Variants in STAG1 observed in about 807,000 individuals in gnomAD.
The protein encoded by STAG1 is cohesin subunit SA-1.
STAG1 carries 26 observed loss-of-function variants against 170.9 expected under a neutral mutation model. That is an observed-to-expected ratio of 0.15 (90% CI 0.11 to 0.21). STAG1 has a LOEUF of 0.21. Among genes scored for constraint, STAG1 ranks in the 10% least tolerant of loss-of-function variants. STAG1 has a pLI of 1.00. For missense variants in STAG1, 964 were observed against 1,509.5 expected (o/e 0.64, Z 5.99); for synonymous variants, 514 against 497.7 (o/e 1.03, Z -0.44).
At chr3:136,718,331 C>A (rs1183019553) in intron 1 of STAG1, among the ~76,000 whole-genome samples, 1 of 152,002 alleles carries the variant, frequency 6.6e-6, no homozygotes, top group African/African-American at 2.4e-5. Context: ...ACTATTTTGT[C>A]TTCATCTGTA....
intron 1 of STAG1, among the ~76,000 whole-genome samples, chr3:136,744,923 G>A (rs542404584): frequency 3.9e-5 from 6 of 152,212 alleles, no homozygotes; most frequent in Middle Eastern, 3.4e-3. Context: ...TGATCCACCC[G>A]CCTCGGCCTC....
chr3:136,491,193 C>A (rs2107844934), intron 9 of STAG1, among the ~76,000 whole-genome samples: 2 of 152,244 alleles, frequency 1.3e-5, no homozygotes, highest in Non-Finnish European at 2.9e-5. Context: ...TCATAGTTCA[C>A]TGCACCCTGG....
At chr3:136,625,362 A>G (rs1023742458) in intron 2 of STAG1, among the ~76,000 whole-genome samples, 1 of 152,136 alleles carries the variant, frequency 6.6e-6, no homozygotes, top group African/African-American at 2.4e-5. Context: ...TGACTTCAAT[A>G]CCCTATCAGT....
At chr3:136,646,077 T>C (rs539429132) in intron 1 of STAG1, among the ~76,000 whole-genome samples, 75 of 152,348 alleles carry the variant, frequency 4.9e-4, no homozygotes, top group Non-Finnish European at 3.2e-4. Context: ...TACACTACCA[T>C]GGCATCTGCT....
At chr3:136,369,391 T>C in intron 23 of STAG1, 109 bp from the exon 24 acceptor site, 1 of 786,968 alleles carries the variant, frequency 1.3e-6, no homozygotes. Context: ...AGTACCATAA[T>C]ATAAATTTTC....
At chr3:136,630,695 G>T (rs893204519) in intron 2 of STAG1, among the ~76,000 whole-genome samples, 175 bp downstream of exon 2, 1 of 152,144 alleles carries the variant, frequency 6.6e-6, no homozygotes, top group African/African-American at 2.4e-5. Context: ...AATAGCAAAA[G>T]CCATGAATGG....
chr3:136,708,103 A>T (rs1462590134), intron 1 of STAG1, among the ~76,000 whole-genome samples: 1 of 152,224 alleles, frequency 6.6e-6, no homozygotes, highest in Non-Finnish European at 1.5e-5. Context: ...TCTCAAAAAG[A>T]TAAACAGAAT....
At chr3:136,642,591 A>G (rs1940845450) in intron 1 of STAG1, among the ~76,000 whole-genome samples, 1 of 152,150 alleles carries the variant, frequency 6.6e-6, no homozygotes, top group African/African-American at 2.4e-5. Context: ...CCCTTGATGG[A>G]CAATAAAAGA....
chr3:136,686,087 C>A (rs1193647192), intron 1 of STAG1, among the ~76,000 whole-genome samples: 3 of 152,122 alleles, frequency 2.0e-5, no homozygotes, highest in Admixed American at 6.6e-5. Context: ...TTAGCAGCTA[C>A]TAGGCAAAAC....
rs889880026 is a variant in STAG1, at chr3:136,359,388, A to G, written c.2788-92T>C. 2.3e-5 allele frequency: 20 copies of G among 877,480 alleles called. No homozygotes were observed. In the African/African-American group the frequency reaches 2.9e-4, roughly 13 times the overall value. The allele number at this position is 877,480 out of a possible 1,614,324, so 54.4% of individuals were successfully genotyped here. ...GGTAATTAAAAAATATGTAAAAGGT[A>G]TAAGGTGAAATGTTTCTCTTCTTGC... On this transcript the variant is annotated intron_variant, in intron 26 of 33. Coordinates refer to ENST00000383202, the MANE Select transcript of STAG1 (RefSeq NM_005862.3).
chr3:136,576,911 ATAGATTCGTTTGCTTTGGATTAAAG>A (rs908096051), intron 4 of STAG1, among the ~76,000 whole-genome samples: 61 of 152,266 alleles, frequency 4.0e-4, no homozygotes, highest in African/African-American at 9.1e-4. Flanking sequence ...TTGGAGAAAG[ATAGATTCGTTTGCTTTGGATTAAAG>A]TAGATTCGTT....
intron 23 of STAG1, among the ~76,000 whole-genome samples, chr3:136,373,998 G>T (rs1188977612): frequency 3.9e-5 from 6 of 152,246 alleles, no homozygotes; most frequent in South Asian, 2.1e-4. Context: ...AGGTCACTAA[G>T]GACTTGCTTT....
chr3:136,463,908 CATATA>C lies in STAG1; in HGVS notation c.1313+968_1313+972del, dbSNP rs984322727. Among the ~76,000 whole-genome samples the C allele has an allele frequency of 4.8e-5, 7 of 146,754 alleles. No homozygotes were observed. In the East Asian group the frequency reaches 7.8e-4, roughly 16 times the overall value. ...ATACTTATATATACATATATACTTA[CATATA>C]ATATATATTTTAAAATGATTTAAAG... On this transcript the variant is annotated intron_variant, in intron 13 of 33. Coordinates refer to ENST00000383202, the MANE Select transcript of STAG1 (RefSeq NM_005862.3).
intron 14 of STAG1, among the ~76,000 whole-genome samples, chr3:136,448,718 C>T (rs1294488353): frequency 1.3e-5 from 2 of 152,160 alleles, no homozygotes; most frequent in South Asian, 2.1e-4. Context: ...GAGGGTGGAT[C>T]ACCTGAGGTC....
rs572324573 is a variant in STAG1, at chr3:136,504,910, C to T, written c.677-2131G>A. Among the ~76,000 whole-genome samples, 4 of 152,208 alleles carry T rather than the reference C, an allele frequency of 2.6e-5. No homozygotes were observed. The East Asian group carries it at 7.7e-4, about 29-fold the overall frequency. On this transcript the variant is annotated intron_variant, in intron 7 of 33. Coordinates refer to ENST00000383202, the MANE Select transcript of STAG1 (RefSeq NM_005862.3). ...GATACATAAACAGTAAAGTAATCAA[C>T]ATACTAAAACAGACAAGACATGTTA...
intron 1 of STAG1, among the ~76,000 whole-genome samples, chr3:136,743,476 T>C (rs1405741815): frequency 1.3e-5 from 2 of 151,644 alleles, no homozygotes; most frequent in African/African-American, 4.8e-5. Context: ...CTCCTGCCAA[T>C]CAATTAAGTA....
At chr3:136,543,671 C>G (rs748260466) in intron 5 of STAG1, among the ~76,000 whole-genome samples, 6 of 152,080 alleles carry the variant, frequency 3.9e-5, no homozygotes, top group Non-Finnish European at 8.8e-5. Context: ...CTCTATGAAA[C>G]TAGGATTTCT....
At chr3:136,554,975 A>G (rs1166984093) in intron 5 of STAG1, among the ~76,000 whole-genome samples, 1 of 151,848 alleles carries the variant, frequency 6.6e-6, no homozygotes, top group Non-Finnish European at 1.5e-5. Context: ...GTCAAGAAAA[A>G]GCTATAATTA....
intron 1 of STAG1, among the ~76,000 whole-genome samples, chr3:136,716,486 A>AG: frequency 6.6e-6 from 1 of 152,162 alleles, no homozygotes; most frequent in Non-Finnish European, 1.5e-5. Flanking sequence ...AAAGAAAAAA[A>AG]GAACTACATT....
Sources: gnomAD v4.1 joint callset for allele counts (sites outside exome capture counted in the v4.1 genomes callset) on GRCh38, gnomAD v4.1.1 for gene constraint, MANE v1.5 for transcripts, NCBI Gene and HGNC (gene_info 2026-07-23, HGNC 2026-07-21) for gene names.